The following CACNA1C variants were observed in gnomAD, a reference collection of about 807,000 sequenced individuals.
CACNA1C encodes the protein calcium voltage-gated channel subunit alpha1 C.
In CACNA1C, 30 loss-of-function variants were observed where a neutral mutation model predicts 229.0. The observed-to-expected ratio is 0.13, with a 90% CI of 0.10 to 0.18. The LOEUF (loss-of-function observed/expected upper bound fraction) is 0.18, where lower values mean the gene tolerates loss of function less well. CACNA1C is among the 10% of genes least tolerant of loss of function. CACNA1C has a pLI of 1.00. For missense variants in CACNA1C, 1,658 were observed against 2,845.0 expected, an observed-to-expected ratio of 0.58 and a Z score of 9.49; for synonymous variants, 1,114 against 1,132.5, an observed-to-expected ratio of 0.98 and a Z score of 0.33.
intron 3 of CACNA1C, among the ~76,000 whole-genome samples, chr12:2,379,022 A>G (rs1478918154): frequency 2.0e-5 from 3 of 152,188 alleles, no homozygotes; most frequent in South Asian, 4.1e-4. Flanking sequence ...CGAGAAAAAT[A>G]CTGTTTTCTT....
At chr12:2,634,401 C>T (rs149125625) in intron 30 of CACNA1C, 21 bp downstream of exon 30, 152 of 1,408,806 alleles carry the variant, frequency 1.1e-4, no homozygotes, top group Middle Eastern at 7.0e-4. Context: ...GGCGTCTGTC[C>T]CTAACCGTCC....
chr12:2,209,035 C>T lies in CACNA1C; in HGVS notation c.477+88605C>T, dbSNP rs112538980. ...CAAAGCTGAGGGCCGCAGAGCCCCG[C>T]GCCAGCTCTCCCGGCCAGCAGCGTC... is the stretch of plus-strand genomic sequence containing the variant. On this transcript the variant is annotated intron_variant, in intron 3 of 46. Transcript: ENST00000399655. Among the ~76,000 whole-genome samples the T allele has an allele frequency of 3.3e-3, 500 of 152,286 alleles. 2 individuals are homozygous for T. Among genetic ancestry groups the T allele is most frequent in the African/African-American group, 0.011 (452 of 41,556 alleles).
At chr12:2,453,310 A>G (rs1364764522) in intron 4 of CACNA1C, among the ~76,000 whole-genome samples, 1 of 152,102 alleles carries the variant, frequency 6.6e-6, no homozygotes, top group Non-Finnish European at 1.5e-5. Context: ...TCCCATTTCT[A>G]GATCCAGATA....
chr12:2,612,211 C>T, intron 29 of CACNA1C, 198 bp downstream of exon 29: 1 of 560,992 alleles, frequency 1.8e-6, no homozygotes, highest in East Asian at 3.0e-5. Context: ...GAAACACTCT[C>T]AGCTCTCAGT....
At chr12:2,336,012 A>T (rs1248506355) in intron 3 of CACNA1C, among the ~76,000 whole-genome samples, 1 of 149,912 alleles carries the variant, frequency 6.7e-6, no homozygotes. Flanking sequence ...AAGGAAATAT[A>T]AAACAACTCC....
chr12:2,475,530 A>G (rs971627558), intron 5 of CACNA1C, among the ~76,000 whole-genome samples: 1 of 152,240 alleles, frequency 6.6e-6, no homozygotes, highest in Non-Finnish European at 1.5e-5. Flanking sequence ...AGAACCAGAT[A>G]TGGAAAAGAA....
At chr12:2,450,968 A>G (rs1443678649) in intron 4 of CACNA1C, among the ~76,000 whole-genome samples, 3 of 152,156 alleles carry the variant, frequency 2.0e-5, no homozygotes, top group Non-Finnish European at 2.9e-5. Context: ...GTCTCTGGCC[A>G]TCTGGATGGC....
chr12:2,359,914 C>T (rs1444550916), intron 3 of CACNA1C, among the ~76,000 whole-genome samples: 1 of 152,074 alleles, frequency 6.6e-6, no homozygotes. Flanking sequence ...CAAGCTCTTC[C>T]ACCAAGCAGT....
intron 3 of CACNA1C, among the ~76,000 whole-genome samples, chr12:2,284,298 T>G (rs1484746427): frequency 6.6e-6 from 1 of 152,040 alleles, no homozygotes; most frequent in African/African-American, 2.4e-5. Context: ...TCTAGATTTT[T>G]TTTTTTTTTT....
At chr12:2,378,653 A>G (rs1398109820) in intron 3 of CACNA1C, among the ~76,000 whole-genome samples, 1 of 152,218 alleles carries the variant, frequency 6.6e-6, no homozygotes, top group Non-Finnish European at 1.5e-5. Context: ...GCCATTCTAA[A>G]TAAGGTCGGG....
rs376481211 is a variant in CACNA1C, at chr12:2,610,558, C to T, written c.3576C>T (p.Tyr1192=). 1.2e-5 allele frequency: 19 copies of T among 1,613,554 alleles called. No individual in the cohort carries two copies. The Middle Eastern group carries it at 6.6e-4, about 56-fold the overall frequency. Residue 1192 remains tyrosine (Y), a synonymous_variant, in exon 28 of 47, where the codon TAC becomes TAT. Transcript: ENST00000399655. ...CCTCCCAGCGACAGTGCGTGGAATA[C>T]GCCCTCAAGGCCCGGCCCCTGCGGA... The part of the protein sequence containing the change: ...LDKNQRQCVE[Y]ALKARPLRRY...
chr12:2,436,590 G>C (rs1226837085), intron 3 of CACNA1C, among the ~76,000 whole-genome samples: 1 of 152,172 alleles, frequency 6.6e-6, no homozygotes, highest in Admixed American at 6.5e-5. Context: ...GAGCTAACAG[G>C]GAGGCAGAGC....
intron 3 of CACNA1C, among the ~76,000 whole-genome samples, chr12:2,355,408 G>C (rs181795674): frequency 6.6e-6 from 1 of 151,964 alleles, no homozygotes; most frequent in Non-Finnish European, 1.5e-5. Context: ...GACTCATTTC[G>C]GTTGGTGGGT....
intron 1 of CACNA1C, among the ~76,000 whole-genome samples, chr12:2,097,738 G>A (rs934341685): frequency 5.9e-5 from 9 of 152,178 alleles, no homozygotes; most frequent in Non-Finnish European, 1.3e-4. Context: ...GGAGGCAGCC[G>A]CTCAGCATAG....
intron 1 of CACNA1C, among the ~76,000 whole-genome samples, chr12:2,031,163 G>A (rs986556980): frequency 2.0e-5 from 3 of 152,108 alleles, no homozygotes; most frequent in African/African-American, 7.2e-5. Context: ...AGTGCCCATG[G>A]GCATCCTTGG....
intron 3 of CACNA1C, among the ~76,000 whole-genome samples, chr12:2,437,008 G>A (rs369429525): frequency 6.8e-4 from 103 of 152,338 alleles, no homozygotes; most frequent in African/African-American, 2.1e-3. Flanking sequence ...CCCATTCAAC[G>A]AGAGATCATA....
chr12:2,040,132 G>T (rs1052460222), intron 1 of CACNA1C, among the ~76,000 whole-genome samples: 4 of 151,402 alleles, frequency 2.6e-5, no homozygotes, highest in Admixed American at 2.6e-4. Flanking sequence ...AGACTTTGAG[G>T]ATGGACAGCA....
intron 3 of CACNA1C, among the ~76,000 whole-genome samples, chr12:2,211,714 C>CTTTTT (rs5795996): frequency 8.7e-6 from 1 of 115,510 alleles, no homozygotes; most frequent in Non-Finnish European, 1.7e-5. Context: ...CTTTCTGCTG[C>CTTTTT]TTTTTTTTTT....
chr12:2,049,900 C>T (rs77769674), upstream of CACNA1C, among the ~76,000 whole-genome samples: 171 of 152,208 alleles, frequency 1.1e-3, 4 homozygotes, highest in East Asian at 0.031. Context: ...GGGATATGGG[C>T]GTATACTGCA....
Sources: allele counts gnomAD v4.1 joint callset (sites outside exome capture counted in the v4.1 genomes callset), GRCh38; gene constraint gnomAD v4.1.1; transcripts MANE v1.5; gene names NCBI Gene and HGNC (gene_info 2026-07-23, HGNC 2026-07-21).